The following ITGBL1 variants were observed in gnomAD, a reference collection of about 807,000 sequenced individuals.
ITGBL1 encodes the protein integrin beta-like protein 1.
In ITGBL1, 51 loss-of-function variants were observed where a neutral mutation model predicts 68.5. The observed-to-expected ratio is 0.74, with a 90% CI of 0.59 to 0.94. ITGBL1 has a LOEUF of 0.94. ITGBL1 is among the 40% of genes least tolerant of loss of function. The pLI is 0.00. For missense variants in ITGBL1, 649 were observed against 647.4 expected (o/e 1.00, Z -0.03); for synonymous variants, 209 against 227.3 (o/e 0.92, Z 0.72).
chr13:101,522,094 T>C (rs1333986905), intron 2 of ITGBL1, among the ~76,000 whole-genome samples: 1 of 151,986 alleles, frequency 6.6e-6, no homozygotes, highest in Non-Finnish European at 1.5e-5. Context: ...GTCTTCCTAT[T>C]CTTATAAAAA....
downstream of ITGBL1, chr13:101,720,769 T>TAA (rs1300272998): frequency 6.6e-6 from 1 of 152,126 alleles, no homozygotes; most frequent in Non-Finnish European, 1.5e-5. Flanking sequence ...CAAGATGACA[T>TAA]AACACCAAAT....
rs1212463828 is a variant in ITGBL1 at position 101,637,340 on chromosome 13, TA to T, written c.1015+39042del. Among the ~76,000 whole-genome samples, 7 of 139,058 alleles carry T rather than the reference TA, an allele frequency of 5.0e-5. No individual in the cohort carries two copies. In the South Asian group the frequency reaches 1.6e-3, roughly 32 times the overall value. The allele number at this position is 139,058 out of a possible 152,430, so 91.2% of individuals were successfully genotyped here. A position where few individuals can be genotyped will look rare whatever the true frequency, so the allele number is the denominator to read the frequency against. On this transcript the variant is annotated intron_variant, in intron 7 of 10. Coordinates refer to ENST00000376180, the MANE Select transcript of ITGBL1 (RefSeq NM_004791.3). ...AACAAAGTCAAAATGATTGGAACAG[TA>T]TTTTTTTTTTTTTTTTTTTTGAGAC...
chr13:101,596,956 G>A (rs1482532969), intron 6 of ITGBL1, among the ~76,000 whole-genome samples: 1 of 152,114 alleles, frequency 6.6e-6, no homozygotes. Flanking sequence ...ATCACAGAGG[G>A]TTTTCAGGGC....
At chr13:101,720,056 C>T (rs1178338568), downstream of ITGBL1, 2 of 151,816 alleles carry the variant, frequency 1.3e-5, no homozygotes, top group Non-Finnish European at 2.9e-5. Context: ...TTTTAATATG[C>T]CTTCATATAA....
chr13:101,644,884 TAGATTCTTGG>T (rs2032509335), intron 7 of ITGBL1, among the ~76,000 whole-genome samples: 1 of 152,202 alleles, frequency 6.6e-6, no homozygotes, highest in African/African-American at 2.4e-5. Context: ...CCTTAAGAAC[TAGATTCTTGG>T]AGAGAAAATA....
chr13:101,634,254 G>T (rs114407094), intron 7 of ITGBL1, among the ~76,000 whole-genome samples: 200 of 152,272 alleles, frequency 1.3e-3, no homozygotes, highest in African/African-American at 4.7e-3. Flanking sequence ...TGGAGTAAAT[G>T]AACTGAGATT....
chr13:101,599,267 AC>A (rs1195720636), intron 7 of ITGBL1, among the ~76,000 whole-genome samples: 3 of 151,776 alleles, frequency 2.0e-5, no homozygotes, highest in Non-Finnish European at 4.4e-5. Context: ...TCCTTTGCCC[AC>A]TTTTTGATGG....
intron 7 of ITGBL1, among the ~76,000 whole-genome samples, chr13:101,683,312 T>A (rs1050283525): frequency 1.3e-5 from 2 of 152,100 alleles, no homozygotes; most frequent in Non-Finnish European, 2.9e-5. Context: ...ACGTGACTTT[T>A]TTGGAATTAA....
At chr13:101,706,589 T>C (rs888115546) in intron 8 of ITGBL1, among the ~76,000 whole-genome samples, 167 bp from the exon 9 acceptor site, 4 of 152,266 alleles carry the variant, frequency 2.6e-5, no homozygotes, top group Admixed American at 6.5e-5. Flanking sequence ...GCTAGAACTC[T>C]GTTGTAAGTT....
At chr13:101,653,671 G>A (rs1982143) in intron 7 of ITGBL1, among the ~76,000 whole-genome samples, 151,280 of 152,114 alleles carry the variant, frequency 0.99, 75,231 homozygotes, top group Middle Eastern at 1. Flanking sequence ...CACAGTAAGA[G>A]ATGAATATGG....
intron 7 of ITGBL1, among the ~76,000 whole-genome samples, chr13:101,651,692 A>G (rs1282853076): frequency 1.3e-5 from 2 of 152,028 alleles, no homozygotes; most frequent in Non-Finnish European, 2.9e-5. Context: ...TTATTAGTCA[A>G]TTTTTGCTTT....
At chr13:101,673,034 T>C (rs2033415347) in intron 7 of ITGBL1, among the ~76,000 whole-genome samples, 1 of 152,220 alleles carries the variant, frequency 6.6e-6, no homozygotes, top group Admixed American at 6.5e-5. Context: ...ACACGGCAAG[T>C]TCACCAAACT....
intron 2 of ITGBL1, among the ~76,000 whole-genome samples, chr13:101,508,455 T>C (rs9518425): frequency 0.12 from 18,901 of 152,152 alleles, 1,762 homozygotes; most frequent in African/African-American, 0.26. Context: ...CTCTTATATT[T>C]GCCAAACTGC....
chr13:101,604,996 A>G (rs374610916), intron 7 of ITGBL1, among the ~76,000 whole-genome samples: 1 of 132,688 alleles, frequency 7.5e-6, no homozygotes, highest in Non-Finnish European at 1.6e-5. Flanking sequence ...GTGTATATGT[A>G]TATATACATA....
intron 2 of ITGBL1, among the ~76,000 whole-genome samples, chr13:101,505,740 A>G (rs1163646214): frequency 1.3e-5 from 2 of 150,146 alleles, no homozygotes; most frequent in Admixed American, 6.7e-5. Context: ...GAAACCATCA[A>G]TAGTCGATGT....
intron 2 of ITGBL1, among the ~76,000 whole-genome samples, chr13:101,554,211 G>A (rs1200750218): frequency 6.6e-6 from 1 of 152,140 alleles, no homozygotes; most frequent in Non-Finnish European, 1.5e-5. Context: ...TGGGGTCTAA[G>A]TTTTCAATAT....
At chr13:101,539,928 G>C (rs9513917) in intron 2 of ITGBL1, among the ~76,000 whole-genome samples, 17,748 of 152,114 alleles carry the variant, frequency 0.12, 1,404 homozygotes, top group African/African-American at 0.22. Context: ...ATTTGTTTGA[G>C]TTCTTTGTAG....
At chr13:101,561,294 G>A (rs750206255) in intron 2 of ITGBL1, among the ~76,000 whole-genome samples, 1 of 152,116 alleles carries the variant, frequency 6.6e-6, no homozygotes, top group Non-Finnish European at 1.5e-5. Context: ...GATCCAGGAA[G>A]TGGGGAACTC....
chr13:101,497,124 T>G (rs923443115), intron 2 of ITGBL1, among the ~76,000 whole-genome samples: 1 of 152,212 alleles, frequency 6.6e-6, no homozygotes, highest in Non-Finnish European at 1.5e-5. Context: ...CCTTACAGGA[T>G]GAGAGAAGCT....
Sources: allele counts gnomAD v4.1 joint callset (sites outside exome capture counted in the v4.1 genomes callset), GRCh38; gene constraint gnomAD v4.1.1; transcripts MANE v1.5; gene names NCBI Gene and HGNC (gene_info 2026-07-23, HGNC 2026-07-21).